Variants in LRBA observed in about 807,000 individuals in gnomAD.
LRBA encodes LPS responsive beige-like anchor protein, also known as lipopolysaccharide-responsive and beige-like anchor protein.
In LRBA, 176 loss-of-function variants were observed where a neutral mutation model predicts 330.0. That is an observed-to-expected ratio of 0.53 (90% CI 0.47 to 0.60). The LOEUF (loss-of-function observed/expected upper bound fraction) is 0.60, where lower values mean the gene tolerates loss of function less well. LRBA is among the 20% of genes least tolerant of loss of function. The pLI is 0.00. For synonymous variants in LRBA, 1,230 were observed against 1,193.0 expected, an observed-to-expected ratio of 1.03 and a Z score of -0.64; for missense variants, 3,259 against 3,444.8, an observed-to-expected ratio of 0.95 and a Z score of 1.35.
At chr4:150,502,998 C>G (rs1029868958) in intron 40 of LRBA, among the ~76,000 whole-genome samples, 8 of 152,176 alleles carry the variant, frequency 5.3e-5, no homozygotes, top group Non-Finnish European at 1.0e-4. Flanking sequence ...GGCAGCGAGG[C>G]TGGGGGAGGG....
At chr4:150,380,449 G>A (rs1176537658) in intron 47 of LRBA, among the ~76,000 whole-genome samples, 1 of 152,020 alleles carries the variant, frequency 6.6e-6, no homozygotes, top group Non-Finnish European at 1.5e-5. Flanking sequence ...ATCACCTAGG[G>A]AGTTATTCCA....
At chr4:150,738,461 T>C (rs1044627070) in intron 35 of LRBA, among the ~76,000 whole-genome samples, 1 of 152,108 alleles carries the variant, frequency 6.6e-6, no homozygotes. Flanking sequence ...AGTGAGAATT[T>C]GTCACCAGCC....
chr4:150,811,558 A>C (rs904610528), intron 31 of LRBA, among the ~76,000 whole-genome samples: 2 of 152,052 alleles, frequency 1.3e-5, no homozygotes, highest in Non-Finnish European at 2.9e-5. Flanking sequence ...GCTGGAGTGT[A>C]CTGGTGTGAT....
chr4:150,979,932 G>A (rs1037035929), intron 2 of LRBA, among the ~76,000 whole-genome samples: 7 of 151,970 alleles, frequency 4.6e-5, no homozygotes, highest in Non-Finnish European at 7.4e-5. Context: ...AAATTATTCC[G>A]AAAAATAGGG....
At chr4:150,970,305 G>A (rs1021199343) in intron 2 of LRBA, among the ~76,000 whole-genome samples, 6 of 151,818 alleles carry the variant, frequency 4.0e-5, no homozygotes, top group African/African-American at 1.5e-4. Flanking sequence ...TTTAAGACCA[G>A]CCTGGGCAAC....
At chr4:150,830,936 TG>T (rs551001351) in intron 29 of LRBA, among the ~76,000 whole-genome samples, 194 of 151,980 alleles carry the variant, frequency 1.3e-3, no homozygotes, top group Non-Finnish European at 2.0e-3. Flanking sequence ...GCTAATTTTT[TG>T]TATTTTTAGT....
At position 150,579,704 on chromosome 4, in the gene LRBA, T is replaced by C. The variant is rs1000983264; in HGVS notation, c.6330+8344A>G. The stretch of plus-strand genomic sequence containing the variant: ...TGTCCGGCGAGTGGTGGCGCGAAGG[T>C]CCGCTCGGCCTGGGACGCCCCACCC... On this transcript the variant is annotated intron_variant, in intron 40 of 56. Coordinates refer to ENST00000651943, the MANE Select transcript of LRBA (RefSeq NM_001364905.1). 4 of 455,854 alleles carry C rather than the reference T, an allele frequency of 8.8e-6. No individual in the cohort carries two copies. In the Admixed American group the frequency reaches 9.4e-5, roughly 11 times the overall value. The allele number at this position is 455,854 out of a possible 1,614,324, so 28.2% of individuals were successfully genotyped here. A position where few individuals can be genotyped will look rare whatever the true frequency, so the allele number is the denominator to read the frequency against.
intron 46 of LRBA, chr4:150,423,454 G>A (rs1749106832): frequency 1.7e-6 from 1 of 589,768 alleles, no homozygotes; most frequent in South Asian, 2.0e-5. Context: ...TTGCCAGCGG[G>A]CCCCATTTCT....
intron 45 of LRBA, among the ~76,000 whole-genome samples, chr4:150,435,947 G>A (rs201803237): frequency 6.6e-6 from 1 of 152,002 alleles, no homozygotes; most frequent in South Asian, 2.1e-4. Context: ...TCTTCAGGTA[G>A]CCTTCCTTTC....
At chr4:150,489,682 A>G (rs1344044006) in intron 41 of LRBA, among the ~76,000 whole-genome samples, 1 of 128,516 alleles carries the variant, frequency 7.8e-6, no homozygotes, top group Admixed American at 9.2e-5. Context: ...TATATTATAT[A>G]TAAGAATATA....
intron 37 of LRBA, among the ~76,000 whole-genome samples, chr4:150,648,609 G>A (rs1268424722): frequency 6.6e-6 from 1 of 151,596 alleles, no homozygotes; most frequent in Non-Finnish European, 1.5e-5. Context: ...GCCTCTGATT[G>A]AGAACCCTTA....
rs1232485383 is a variant in LRBA, at chr4:150,583,614, C to T, written c.6330+4434G>A. On this transcript the variant is annotated intron_variant, in intron 40 of 56. Transcript: ENST00000651943. The surrounding 1 kb of genome is among the most constrained non-coding windows in gnomAD (Gnocchi z 9.8). ...GGCCTATGCCCCACATCCCTTGGCCCGGCCCCAATCGGGTGGCCGAGGTCA... is the reference window on the plus strand; with the variant it reads ...GGCCTATGCCCCACATCCCTTGGCCTGGCCCCAATCGGGTGGCCGAGGTCA... 3 of 1,614,000 alleles carry T rather than the reference C, an allele frequency of 1.9e-6. No homozygotes were observed. The highest frequency in any genetic ancestry group is 2.5e-6 in the Non-Finnish European group (3 of 1,180,016).
intron 44 of LRBA, among the ~76,000 whole-genome samples, chr4:150,461,149 C>T (rs2152049635): frequency 6.6e-6 from 1 of 151,726 alleles, no homozygotes; most frequent in Admixed American, 6.6e-5. Flanking sequence ...AAAAGCTTTC[C>T]TTTTTCAAGC....
At chr4:150,502,589 A>C (rs1760423981) in intron 40 of LRBA, among the ~76,000 whole-genome samples, 1 of 152,248 alleles carries the variant, frequency 6.6e-6, no homozygotes, top group African/African-American at 2.4e-5. Flanking sequence ...AAGATGGCCA[A>C]ATAGGAACAG....
At chr4:150,902,797 C>T (rs975589881) in intron 13 of LRBA, among the ~76,000 whole-genome samples, 1 of 152,124 alleles carries the variant, frequency 6.6e-6, no homozygotes, top group African/African-American at 2.4e-5. Context: ...ACGGATAACA[C>T]CAGATTGATG....
At chr4:150,346,615 C>T (rs1285889386) in intron 48 of LRBA, among the ~76,000 whole-genome samples, 4 of 151,444 alleles carry the variant, frequency 2.6e-5, no homozygotes, top group African/African-American at 7.3e-5. Flanking sequence ...AAAAATTAGC[C>T]GGGCATGGTG....
chr4:150,356,236 CT>C (rs1737828218), intron 47 of LRBA, among the ~76,000 whole-genome samples: 1 of 152,044 alleles, frequency 6.6e-6, no homozygotes, highest in Admixed American at 6.6e-5. Flanking sequence ...TCACATTTCA[CT>C]TCTAAGATGT....
intron 40 of LRBA, among the ~76,000 whole-genome samples, chr4:150,510,936 ACCT>A (rs1761760423): frequency 6.6e-6 from 1 of 151,860 alleles, no homozygotes; most frequent in Admixed American, 6.6e-5. Flanking sequence ...GCTCACTGCA[ACCT>A]CCGCCTCCCG....
At chr4:150,785,677 A>G (rs1024538283) in intron 34 of LRBA, among the ~76,000 whole-genome samples, 1 of 152,188 alleles carries the variant, frequency 6.6e-6, no homozygotes, top group Non-Finnish European at 1.5e-5. Context: ...GAATCATCAT[A>G]ATGAACAACT....
Sources: gnomAD v4.1 joint callset for allele counts (sites outside exome capture counted in the v4.1 genomes callset) on GRCh38, gnomAD v4.1.1 for gene constraint, Gnocchi (gnomAD v3.1) non-coding constraint, MANE v1.5 for transcripts, NCBI Gene and HGNC (gene_info 2026-07-23, HGNC 2026-07-21) for gene names.